The following ABCA3 variants were observed in gnomAD, a reference collection of about 807,000 sequenced individuals.
ABCA3 encodes the protein phospholipid-transporting ATPase ABCA3.
ABCA3 carries 88 observed loss-of-function variants against 172.8 expected under a neutral mutation model. The ratio of observed to expected loss-of-function variants is 0.51; its 90% CI spans 0.43 to 0.61. The LOEUF is 0.61. Among genes scored for constraint, ABCA3 ranks in the 20% least tolerant of loss-of-function variants. ABCA3 has a pLI of 0.00. For missense variants in ABCA3, 2,164 were observed against 2,301.0 expected (o/e 0.94, Z 1.22); for synonymous variants, 1,066 against 983.8 (o/e 1.08, Z -1.56).
chr16:2,303,416 C>G (rs919555872), intron 12 of ABCA3, among the ~76,000 whole-genome samples: 1 of 152,038 alleles, frequency 6.6e-6, no homozygotes, highest in Non-Finnish European at 1.5e-5. Flanking sequence ...CACCCGCCAT[C>G]ACACCCGGCT....
intron 19 of ABCA3, among the ~76,000 whole-genome samples, chr16:2,291,791 C>T (rs1441965766): frequency 3.3e-5 from 5 of 152,128 alleles, no homozygotes; most frequent in East Asian, 1.9e-4. Context: ...TAGAAGTCCT[C>T]GGCTGAGCAC....
At chr16:2,322,071 G>A (rs1160590429) in intron 7 of ABCA3, among the ~76,000 whole-genome samples, 4 of 151,912 alleles carry the variant, frequency 2.6e-5, no homozygotes, top group East Asian at 1.9e-4. Flanking sequence ...GGTGGTGTGC[G>A]CCTGTAATCC....
intron 1 of ABCA3, among the ~76,000 whole-genome samples, chr16:2,334,830 CTTT>C (rs35251447): frequency 2.3e-5 from 3 of 131,506 alleles, no homozygotes; most frequent in African/African-American, 8.4e-5. Context: ...AATATTAGTT[CTTT>C]TTTTTTTTTT....
At chr16:2,324,286 G>GC in intron 6 of ABCA3, 118 bp downstream of exon 6, 5 of 1,411,190 alleles carry the variant, frequency 3.5e-6, no homozygotes, top group Non-Finnish European at 3.8e-6. Flanking sequence ...CTATTGACTT[G>GC]CAGGCAGGCA....
chr16:2,313,463 G>A (rs1168462249), intron 10 of ABCA3, among the ~76,000 whole-genome samples: 1 of 148,218 alleles, frequency 6.7e-6, no homozygotes, highest in Non-Finnish European at 1.5e-5. Context: ...TGAGGCAGGA[G>A]AATTGCTTGA....
chr16:2,337,955 C>T (rs1226749382), intron 1 of ABCA3, among the ~76,000 whole-genome samples: 2 of 152,194 alleles, frequency 1.3e-5, no homozygotes, highest in South Asian at 2.1e-4. Flanking sequence ...AAGCCAGAGA[C>T]GTGGTTCCAA....
chr16:2,317,503 G>A (rs2093718033), intron 9 of ABCA3, 100 bp from the exon 10 acceptor site: 1 of 1,595,634 alleles, frequency 6.3e-7, no homozygotes, highest in Non-Finnish European at 8.6e-7. Context: ...TCCACCGAGA[G>A]GAGTGGGACA....
At position 2,287,368 on chromosome 16, in the gene ABCA3, C is replaced by T. The variant is rs188867888; in HGVS notation, c.3005-401G>A. ...GATCTTGGCTCACTGCAGCCTCCACCGCCCAGGTTCAAGCCATTCTCCTGC... is the reference window on the plus strand; with the variant it reads ...GATCTTGGCTCACTGCAGCCTCCACTGCCCAGGTTCAAGCCATTCTCCTGC... On this transcript the variant is annotated intron_variant, in intron 21 of 32. Transcript: ENST00000301732. The surrounding 1 kb of genome is among the most constrained non-coding windows in gnomAD (Gnocchi z 4.1). 3.9e-5 allele frequency among the ~76,000 whole-genome samples: 6 copies of T among 152,196 alleles called. No individual in the cohort carries two copies. The highest frequency in any genetic ancestry group is 1.3e-4 in the Admixed American group (2 of 15,284).
chr16:2,332,677 T>C (rs1567357349), intron 1 of ABCA3: 9 of 1,598,758 alleles, frequency 5.6e-6, no homozygotes, highest in South Asian at 1.1e-5. Flanking sequence ...ATTGCCGCGT[T>C]TGCAGTGTGC....
chr16:2,279,271 G>C lies in ABCA3; in HGVS notation c.4360-141C>G. The C allele has an allele frequency of 2.0e-6, 2 of 990,182 alleles. No individual in the cohort carries two copies. Among genetic ancestry groups the C allele is most frequent in the Non-Finnish European group, 3.0e-6 (2 of 663,342 alleles). 61.3% of individuals were successfully genotyped at this position (990,182 alleles called of 1,614,324 possible). A position where few individuals can be genotyped will look rare whatever the true frequency, so the allele number is the denominator to read the frequency against. The stretch of plus-strand genomic sequence containing the variant: ...CCAGTGTGTGTACACGGGGGCGCTG[G>C]AGCTATGCACAGGCCGTGGTGGCTG... On this transcript the variant is annotated intron_variant, in intron 28 of 32. Coordinates refer to ENST00000301732, the MANE Select transcript of ABCA3 (RefSeq NM_001089.3). The surrounding 1 kb of genome is among the most constrained non-coding windows in gnomAD (Gnocchi z 4.4).
In ABCA3 at chr16:2,297,288, C is replaced by T; in HGVS notation, c.2263+41G>A. 6.2e-7 allele frequency: 1 copy of T among 1,601,762 alleles called. No individual in the cohort carries two copies. The highest frequency in any genetic ancestry group is 2.2e-5 in the East Asian group (1 of 44,790). Reference sequence around the variant, plus strand: ...AGCAGCCATTCCCTCAGCACGGCAGCCAGGACACCGACCCTGTCGCGGGCT... The same window carrying T: ...AGCAGCCATTCCCTCAGCACGGCAGTCAGGACACCGACCCTGTCGCGGGCT... On this transcript the variant is annotated intron_variant, in intron 17 of 32. Transcript: ENST00000301732. The surrounding 1 kb of genome is among the most constrained non-coding windows in gnomAD (Gnocchi z 5.6).
Position 2,297,244 on chromosome 16 carries a change from G to A in ABCA3, c.2263+85C>T. 2.0e-6 allele frequency: 3 copies of A among 1,478,676 alleles called. No homozygotes were observed. Among genetic ancestry groups the A allele is most frequent in the South Asian group, 1.2e-5 (1 of 86,368 alleles). The allele number at this position is 1,478,676 out of a possible 1,614,324, so 91.6% of individuals were successfully genotyped here. A position where few individuals can be genotyped will look rare whatever the true frequency, so the allele number is the denominator to read the frequency against. On this transcript the variant is annotated intron_variant, in intron 17 of 32. Transcript: ENST00000301732. This position sits in a 1 kb window ranked among gnomAD's most constrained non-coding sequence, Gnocchi z 5.6. ...AGAAAAGGCCACCCCTGCCTGATCT[G>A]AGGGCCCTTCATGAAGGTAGCAGCC... is the stretch of plus-strand genomic sequence containing the variant.
rs1264363683 is a variant in ABCA3 at position 2,315,974 on chromosome 16, T to G, written c.1111+1309A>C. On this transcript the variant is annotated intron_variant, in intron 10 of 32. Transcript: ENST00000301732. Reference sequence around the variant, plus strand: ...CTAGGATTACAGGTGTGAGCTACCATGCCTGGTCACTTAGGTTTTCTTTAA... The same window carrying G: ...CTAGGATTACAGGTGTGAGCTACCAGGCCTGGTCACTTAGGTTTTCTTTAA... Among the ~76,000 whole-genome samples, 9 of 149,098 alleles carry G rather than the reference T, an allele frequency of 6.0e-5. No homozygotes were observed. The South Asian group carries it at 1.7e-3, about 28-fold the overall frequency.
chr16:2,311,608 C>T (rs1490500676), intron 10 of ABCA3, among the ~76,000 whole-genome samples: 5 of 152,158 alleles, frequency 3.3e-5, no homozygotes, highest in African/African-American at 4.8e-5. Flanking sequence ...ATGCAACCTC[C>T]GACTCCCAGG....
intron 3 of ABCA3, among the ~76,000 whole-genome samples, 174 bp downstream of exon 3, chr16:2,328,279 C>T (rs2093737517): frequency 6.6e-6 from 1 of 152,050 alleles, no homozygotes; most frequent in African/African-American, 2.4e-5. Flanking sequence ...CTTGTAAACC[C>T]AGCACTTTGG....
At chr16:2,303,905 A>G (rs2093693485) in intron 12 of ABCA3, 64 bp downstream of exon 12, 4 of 1,575,790 alleles carry the variant, frequency 2.5e-6, no homozygotes, top group Non-Finnish European at 3.5e-6. Context: ...GTCCCTGAGC[A>G]GGTACTGGGG....
At chr16:2,334,481 T>G (rs1033302069) in intron 1 of ABCA3, among the ~76,000 whole-genome samples, 1 of 151,924 alleles carries the variant, frequency 6.6e-6, no homozygotes, top group Non-Finnish European at 1.5e-5. Context: ...TCTAATTCAA[T>G]GGATCCTGTG....
rs929674561 is a variant in ABCA3 at position 2,319,768 on chromosome 16, G to A, written c.686C>T (p.Ala229Val). 3.1e-6 allele frequency: 5 copies of A among 1,613,930 alleles called. No individual in the cohort carries two copies. The highest frequency in any genetic ancestry group is 2.5e-6 in the Non-Finnish European group (3 of 1,180,040). The change falls in exon 8 of 33, where the codon GCC becomes GTC. Residue 229 changes from alanine (A) to valine (V), a missense_variant. Coordinates refer to ENST00000301732, the MANE Select transcript of ABCA3 (RefSeq NM_001089.3). ...TCTCTGGAACAGCTGGCGTGTGGCG[G>A]CATCGGCATGGTACTCCATGATGGC... The part of the protein sequence containing the change: ...DRAIMEYHAD[A>V]ATRQLFQRLT...
chr16:2,307,629 G>A (rs2093699878), intron 11 of ABCA3, among the ~76,000 whole-genome samples: 1 of 151,936 alleles, frequency 6.6e-6, no homozygotes, highest in African/African-American at 2.4e-5. Flanking sequence ...TTATTTTTTT[G>A]AGACGGAGTC....
Sources: allele counts gnomAD v4.1 joint callset (sites outside exome capture counted in the v4.1 genomes callset), GRCh38; gene constraint gnomAD v4.1.1; non-coding constraint Gnocchi (gnomAD v3.1); transcripts MANE v1.5; gene names NCBI Gene and HGNC (gene_info 2026-07-23, HGNC 2026-07-21).